Variants in CACHD1 observed in about 807,000 individuals in gnomAD.
The protein encoded by CACHD1 is cache domain containing 1, also known as VWFA and cache domain-containing protein 1.
CACHD1 carries 71 observed loss-of-function variants against 138.7 expected under a neutral mutation model. The observed-to-expected ratio is 0.51, with a 90% CI of 0.42 to 0.62. The LOEUF (loss-of-function observed/expected upper bound fraction) is 0.62, where lower values mean the gene tolerates loss of function less well. Among genes scored for constraint, CACHD1 ranks in the 20% least tolerant of loss-of-function variants. CACHD1 has a pLI of 0.00. For synonymous variants in CACHD1, 578 were observed against 591.5 expected (o/e 0.98, Z 0.33); for missense variants, 1,389 against 1,625.3 (o/e 0.85, Z 2.50).
intron 9 of CACHD1, among the ~76,000 whole-genome samples, chr1:64,648,906 G>A (rs1037665622): frequency 1.4e-4 from 21 of 152,104 alleles, no homozygotes. Context: ...TTTAGTAAAA[G>A]CACAATCTTT....
chr1:64,480,995 T>A (rs1646208591), intron 1 of CACHD1, among the ~76,000 whole-genome samples: 1 of 152,158 alleles, frequency 6.6e-6, no homozygotes, highest in Non-Finnish European at 1.5e-5. Flanking sequence ...TTCTTTACCT[T>A]GCCCTCTTTT....
intron 4 of CACHD1, among the ~76,000 whole-genome samples, chr1:64,621,259 G>A (rs192364776): frequency 4.3e-4 from 65 of 152,148 alleles, no homozygotes; most frequent in Admixed American, 3.0e-3. Flanking sequence ...CCATATGTTC[G>A]TCTAAATAAC....
At chr1:64,606,850 A>G (rs1326804006) in intron 4 of CACHD1, among the ~76,000 whole-genome samples, 1 of 152,144 alleles carries the variant, frequency 6.6e-6, no homozygotes. Flanking sequence ...TGAGAGTAAG[A>G]GAGGAGTCCA....
intron 3 of CACHD1, among the ~76,000 whole-genome samples, chr1:64,601,548 T>C (rs1647214428): frequency 1.3e-5 from 2 of 152,218 alleles, no homozygotes; most frequent in Non-Finnish European, 2.9e-5. Context: ...ATCTCCTTCT[T>C]TGAGATGGTA....
rs113654180 is a variant in CACHD1, at chr1:64,568,515, C to A, written c.262-13641C>A. Among the ~76,000 whole-genome samples, 711 of 152,248 alleles carry A rather than the reference C, an allele frequency of 4.7e-3. 3 individuals are homozygous for A. The highest frequency in any genetic ancestry group is 7.4e-3 in the Non-Finnish European group (500 of 68,018). On this transcript the variant is annotated intron_variant, in intron 2 of 26. Coordinates refer to ENST00000651257, the MANE Select transcript of CACHD1 (RefSeq NM_020925.4). ...CGAGATGGGCACAGAGAGAGGAAGC[C>A]ACCTGATAGCTCCCCATCTCCCCAC...
intron 9 of CACHD1, among the ~76,000 whole-genome samples, chr1:64,649,834 G>A (rs1649030852): frequency 6.6e-6 from 1 of 152,120 alleles, no homozygotes; most frequent in Non-Finnish European, 1.5e-5. Flanking sequence ...TATGAATCCT[G>A]TGCAGTGGAT....
chr1:64,663,953 G>A lies in CACHD1; in HGVS notation c.2094+116G>A, dbSNP rs11208495. The A allele has an allele frequency of 4.4e-6, 6 of 1,360,496 alleles. No homozygotes were observed. The African/African-American group carries it at 8.6e-5, about 20-fold the overall frequency. 84.3% of individuals were successfully genotyped at this position (1,360,496 alleles called of 1,614,324 possible). On this transcript the variant is annotated intron_variant, in intron 14 of 26. Coordinates refer to ENST00000651257, the MANE Select transcript of CACHD1 (RefSeq NM_020925.4). The stretch of plus-strand genomic sequence containing the variant: ...AGCTCTGCATCTGTGCCTCTCAGCT[G>A]GAGAGCTGCAGAGTGTGTGGCCCAG...
chr1:64,531,495 T>TTGTGTGTGTGTG (rs68180558), intron 1 of CACHD1, among the ~76,000 whole-genome samples: 10 of 146,780 alleles, frequency 6.8e-5, no homozygotes, highest in African/African-American at 2.5e-4. Flanking sequence ...ATGAATGTGG[T>TTGTGTGTGTGTG]TGTGTGTGTG....
Position 64,675,927 on chromosome 1 carries a change from T to C in CACHD1, c.2919T>C (p.Cys973=). Residue 973 remains cysteine (C), a synonymous_variant, in exon 21 of 27, where the codon TGT becomes TGC. Coordinates refer to ENST00000651257, the MANE Select transcript of CACHD1 (RefSeq NM_020925.4). ...RMEQNECECP[C]ECPLEVNECT... ...AACAAAATGAATGTGAATGTCCTTGTGAGTGCCCTCTAGAGGTCAATGAGT... is the reference window on the plus strand; with the variant it reads ...AACAAAATGAATGTGAATGTCCTTGCGAGTGCCCTCTAGAGGTCAATGAGT... The C allele has an allele frequency of 6.5e-7, 1 of 1,542,694 alleles. No homozygotes were observed. The highest frequency in any genetic ancestry group is 8.7e-7 in the Non-Finnish European group (1 of 1,143,138).
chr1:64,552,895 G>A (rs77805650), intron 2 of CACHD1, among the ~76,000 whole-genome samples: 3 of 152,092 alleles, frequency 2.0e-5, no homozygotes, highest in Non-Finnish European at 4.4e-5. Flanking sequence ...GGGAATTATC[G>A]TACAATCTAT....
Position 64,632,704 on chromosome 1 carries a change from T to C in CACHD1, c.750T>C (p.Ala250=). ...TDTQLQIAKD[A]AQVILSAIDE... is the part of the protein sequence containing the mutation. Reference sequence around the variant, plus strand: ...CTCAGCTTCAGATTGCCAAGGACGCTGCTCAGGTCATCCTCAGCGCCATCG... The same window carrying C: ...CTCAGCTTCAGATTGCCAAGGACGCCGCTCAGGTCATCCTCAGCGCCATCG... The change falls in exon 6 of 27, where the codon GCT becomes GCC. Residue 250 remains alanine, a synonymous_variant. Coordinates refer to ENST00000651257, the MANE Select transcript of CACHD1 (RefSeq NM_020925.4). The C allele has an allele frequency of 6.2e-7, 1 of 1,614,202 alleles. No homozygotes were observed. Among genetic ancestry groups the C allele is most frequent in the Non-Finnish European group, 8.5e-7 (1 of 1,180,022 alleles).
chr1:64,521,747 T>C (rs1021279466), intron 1 of CACHD1, among the ~76,000 whole-genome samples: 4 of 152,214 alleles, frequency 2.6e-5, no homozygotes, highest in Non-Finnish European at 5.9e-5. Flanking sequence ...TGCTGGTTCA[T>C]ATGGTAACAG....
intron 1 of CACHD1, among the ~76,000 whole-genome samples, chr1:64,516,181 C>G (rs1430887324): frequency 6.6e-6 from 1 of 152,124 alleles, no homozygotes; most frequent in Non-Finnish European, 1.5e-5. Flanking sequence ...CAATGCAGTC[C>G]TAATTCTAAA....
chr1:64,566,676 G>A (rs1187344658), intron 2 of CACHD1, among the ~76,000 whole-genome samples: 1 of 150,478 alleles, frequency 6.6e-6, no homozygotes. Context: ...TTGGAATGAG[G>A]CTTTTTTTTA....
At chr1:64,643,508 T>C (rs895666585) in intron 8 of CACHD1, among the ~76,000 whole-genome samples, 80 of 152,292 alleles carry the variant, frequency 5.3e-4, no homozygotes, top group African/African-American at 1.8e-3. Context: ...TATATGATTG[T>C]GTTTAAAGTT....
At chr1:64,494,526 G>T (rs1646295761) in intron 1 of CACHD1, among the ~76,000 whole-genome samples, 2 of 152,130 alleles carry the variant, frequency 1.3e-5, no homozygotes. Context: ...TAACGACAAA[G>T]AATTTACATT....
intron 1 of CACHD1, among the ~76,000 whole-genome samples, chr1:64,496,993 G>A (rs1014907372): frequency 2.8e-4 from 43 of 151,940 alleles, no homozygotes; most frequent in Non-Finnish European, 1.5e-5. Context: ...AACCCGAGGG[G>A]TCTTCAGATT....
chr1:64,617,922 T>C (rs1248340951), intron 4 of CACHD1, among the ~76,000 whole-genome samples: 1 of 151,918 alleles, frequency 6.6e-6, no homozygotes, highest in Non-Finnish European at 1.5e-5. Flanking sequence ...CTACTAAAAA[T>C]ACAAAAAATT....
chr1:64,619,859 T>C (rs1166864761), intron 4 of CACHD1, among the ~76,000 whole-genome samples: 1 of 152,212 alleles, frequency 6.6e-6, no homozygotes, highest in African/African-American at 2.4e-5. Context: ...CTAGTTATAA[T>C]AACTGTATGG....
Sources: allele counts gnomAD v4.1 joint callset (sites outside exome capture counted in the v4.1 genomes callset), GRCh38; gene constraint gnomAD v4.1.1; transcripts MANE v1.5; gene names NCBI Gene and HGNC (gene_info 2026-07-23, HGNC 2026-07-21).